Variants in DCAF5 observed in about 807,000 individuals in gnomAD.
DCAF5 encodes the protein DDB1 and CUL4 associated factor 5, also known as DDB1- and CUL4-associated factor 5.
In DCAF5, 9 loss-of-function variants were observed where a neutral mutation model predicts 80.7. That is an observed-to-expected ratio of 0.11 (90% confidence interval 0.07 to 0.19). The LOEUF (loss-of-function observed/expected upper bound fraction) is 0.19. Ranked by LOEUF, DCAF5 falls within the 10% of genes least tolerant of loss-of-function variation. The pLI is 1.00. For missense variants in DCAF5, 842 were observed against 1,205.7 expected (o/e 0.70, Z 4.47); for synonymous variants, 433 against 461.9 (o/e 0.94, Z 0.80).
At chr14:69,147,793 C>T (rs1340157371) in intron 1 of DCAF5, among the ~76,000 whole-genome samples, 1 of 152,146 alleles carries the variant, frequency 6.6e-6, no homozygotes, top group Non-Finnish European at 1.5e-5. Flanking sequence ...TCTAAAGGTA[C>T]TTTTCCTATA....
chr14:69,080,173 T>C (rs1330876504), intron 6 of DCAF5, among the ~76,000 whole-genome samples: 1 of 152,032 alleles, frequency 6.6e-6, no homozygotes, highest in Non-Finnish European at 1.5e-5. Flanking sequence ...AGTACAGAGA[T>C]ACATTTACTA....
intron 8 of DCAF5, among the ~76,000 whole-genome samples, chr14:69,057,531 C>T (rs559053620): frequency 6.6e-6 from 1 of 152,338 alleles, no homozygotes; most frequent in East Asian, 1.9e-4. Context: ...GGCTTAACTC[C>T]TTACTAAGCC....
chr14:69,076,860 C>T (rs528813981), intron 6 of DCAF5, among the ~76,000 whole-genome samples: 2 of 152,280 alleles, frequency 1.3e-5, no homozygotes, highest in African/African-American at 2.4e-5. Flanking sequence ...AGATCTTTCA[C>T]GTAAGGCCAA....
At chr14:69,122,401 A>G (rs2040749542) in intron 1 of DCAF5, 41 bp from the exon 2 acceptor site, 2 of 1,582,818 alleles carry the variant, frequency 1.3e-6, no homozygotes, top group East Asian at 2.3e-5. Flanking sequence ...AACAGCTGAC[A>G]TCGCAAGGCT....
chr14:69,063,034 G>C (rs566358655), intron 7 of DCAF5, among the ~76,000 whole-genome samples: 452 of 152,214 alleles, frequency 3.0e-3, no homozygotes, highest in Non-Finnish European at 4.4e-3. Flanking sequence ...AAACCACTGG[G>C]GGAAATAATA....
intron 6 of DCAF5, among the ~76,000 whole-genome samples, chr14:69,076,527 G>A (rs2038905121): frequency 1.3e-5 from 2 of 152,116 alleles, no homozygotes; most frequent in Non-Finnish European, 2.9e-5. Context: ...ATGAAATAAG[G>A]CAGAAACAAA....
In DCAF5 at chr14:69,153,042, G is replaced by T; in HGVS notation, c.-64C>A. On this transcript the variant is annotated 5_prime_UTR_variant, in exon 1 of 9. Transcript: ENST00000341516. ...TCCCTCGGCCTCACGCGCGGCCGCT[G>T]CTCCCCCCACCCGGCCCTCCCCCCG... 1 of 1,298,478 alleles carries T rather than the reference G, an allele frequency of 7.7e-7. No homozygotes were observed. Among genetic ancestry groups the T allele is most frequent in the Non-Finnish European group, 1.0e-6 (1 of 994,328 alleles). 80.4% of individuals were successfully genotyped at this position (1,298,478 alleles called of 1,614,324 possible). A position where few individuals can be genotyped will look rare whatever the true frequency, so the allele number is the denominator to read the frequency against.
intron 5 of DCAF5, among the ~76,000 whole-genome samples, chr14:69,113,520 C>T (rs534071865): frequency 1.7e-4 from 26 of 152,308 alleles, no homozygotes; most frequent in African/African-American, 6.3e-4. Flanking sequence ...TCCTTAAAAT[C>T]TCTCCCTACA....
chr14:69,106,962 AACCCAAGAGGT>A, intron 5 of DCAF5, among the ~76,000 whole-genome samples: 1 of 152,286 alleles, frequency 6.6e-6, no homozygotes, highest in South Asian at 2.1e-4. Flanking sequence ...GAATCGCCTG[AACCCAAGAGGT>A]GGAAGCTGCA....
chr14:69,120,203 C>A, intron 2 of DCAF5, among the ~76,000 whole-genome samples: 1 of 152,094 alleles, frequency 6.6e-6, no homozygotes, highest in Non-Finnish European at 1.5e-5. Flanking sequence ...CCCACCTCTG[C>A]CTCTCTAGTA....
chr14:69,151,954 C>T (rs984671971), intron 1 of DCAF5, among the ~76,000 whole-genome samples: 1 of 152,192 alleles, frequency 6.6e-6, no homozygotes, highest in African/African-American at 2.4e-5. Flanking sequence ...GAAGCAGAGA[C>T]CACTTGCAAC....
intron 5 of DCAF5, among the ~76,000 whole-genome samples, chr14:69,113,120 G>T (rs1420230910): frequency 6.6e-6 from 1 of 152,092 alleles, no homozygotes; most frequent in Admixed American, 6.6e-5. Flanking sequence ...CTACCAAGTG[G>T]AGAGGTATAG....
chr14:69,125,983 A>G (rs1426645718), intron 1 of DCAF5, among the ~76,000 whole-genome samples: 1 of 152,172 alleles, frequency 6.6e-6, no homozygotes, highest in East Asian at 1.9e-4. Context: ...TGTGAGATAT[A>G]AGGTTAATAT....
At chr14:69,073,867 T>G (rs1038525417) in intron 7 of DCAF5, among the ~76,000 whole-genome samples, 1 of 152,224 alleles carries the variant, frequency 6.6e-6, no homozygotes, top group African/African-American at 2.4e-5. Flanking sequence ...CAAAGATTAC[T>G]TCTCAACGAA....
At chr14:69,103,537 C>T (rs551365980) in intron 5 of DCAF5, among the ~76,000 whole-genome samples, 1 of 152,334 alleles carries the variant, frequency 6.6e-6, no homozygotes, top group African/African-American at 2.4e-5. Context: ...TCTTGCATAG[C>T]CATAGTACAA....
At chr14:69,126,107 A>G (rs1353578531) in intron 1 of DCAF5, among the ~76,000 whole-genome samples, 1 of 152,116 alleles carries the variant, frequency 6.6e-6, no homozygotes, top group Non-Finnish European at 1.5e-5. Flanking sequence ...GAAAAATTAT[A>G]AAACTCTAAT....
intron 1 of DCAF5, among the ~76,000 whole-genome samples, chr14:69,147,286 T>A (rs144335451): frequency 6.6e-6 from 1 of 152,218 alleles, no homozygotes; most frequent in Non-Finnish European, 1.5e-5. Context: ...TACTGTGCCA[T>A]GTGCAGTATA....
chr14:69,120,790 G>T (rs374553393), intron 2 of DCAF5, among the ~76,000 whole-genome samples: 1 of 152,180 alleles, frequency 6.6e-6, no homozygotes, highest in Non-Finnish European at 1.5e-5. Flanking sequence ...TATATAAAAA[G>T]AATAAGATTC....
chr14:69,061,006 T>A (rs1317198310), intron 8 of DCAF5, among the ~76,000 whole-genome samples: 4 of 151,950 alleles, frequency 2.6e-5, no homozygotes, highest in African/African-American at 4.8e-5. Context: ...ATAAAAAAAT[T>A]GAGGATTTTT....
Sources: gnomAD v4.1 joint callset for allele counts (sites outside exome capture counted in the v4.1 genomes callset) on GRCh38, gnomAD v4.1.1 for gene constraint, MANE v1.5 for transcripts, NCBI Gene and HGNC (gene_info 2026-07-23, HGNC 2026-07-21) for gene names.